The following FOXP2 variants were observed in gnomAD, a reference collection of about 807,000 sequenced individuals.
FOXP2 encodes forkhead box protein P2.
FOXP2 carries 12 observed loss-of-function variants against 115.8 expected under a neutral mutation model. That is an observed-to-expected ratio of 0.10 (90% CI 0.07 to 0.17). FOXP2 has a LOEUF of 0.17. Among genes scored for constraint, FOXP2 ranks in the 10% least tolerant of loss-of-function variants. The probability of loss-of-function intolerance (pLI) is 1.00; values close to 1 mark genes in which losing one functional copy is unlikely to be tolerated. For synonymous variants in FOXP2, 328 were observed against 297.7 expected (o/e 1.10, Z -1.05); for missense variants, 629 against 843.5 (o/e 0.75, Z 3.15).
chr7:114,238,307 T>G (rs1194478761), intron 1 of FOXP2, among the ~76,000 whole-genome samples: 1 of 152,102 alleles, frequency 6.6e-6, no homozygotes, highest in Non-Finnish European at 1.5e-5. Context: ...ATTTTTTCCT[T>G]AGGAAATTGT....
chr7:114,524,502 G>A (rs1368718760), intron 2 of FOXP2, among the ~76,000 whole-genome samples: 1 of 151,928 alleles, frequency 6.6e-6, no homozygotes, highest in African/African-American at 2.4e-5. Flanking sequence ...AAGAGAATGA[G>A]CTTCAGAGTC....
intron 1 of FOXP2, among the ~76,000 whole-genome samples, chr7:114,253,559 T>C (rs1248299047): frequency 6.6e-6 from 1 of 152,200 alleles, no homozygotes; most frequent in Non-Finnish European, 1.5e-5. Context: ...GCCTCATTTG[T>C]CTCTTTTGAT....
chr7:114,601,725 T>C (rs1417517931), intron 3 of FOXP2, among the ~76,000 whole-genome samples: 1 of 152,116 alleles, frequency 6.6e-6, no homozygotes, highest in Non-Finnish European at 1.5e-5. Flanking sequence ...CAATTATGAC[T>C]TTTAACACAT....
rs369839969 is a variant in FOXP2 at position 114,689,917 on chromosome 7, T to A, written c.2139T>A (p.Asp713Glu). 3 of 1,613,148 alleles carry A rather than the reference T, an allele frequency of 1.9e-6. No homozygotes were observed. The highest frequency in any genetic ancestry group is 4.5e-5 in the East Asian group (2 of 44,846). The change falls in exon 17 of 17, where the codon GAT (aspartate) becomes GAA (glutamate). Residue 713 changes from aspartate to glutamate, a missense_variant. Around this residue, in one of 9 missense-constraint regions of FOXP2, gnomAD observed 117 missense variants for 112.3 expected, o/e 1.04. Transcript: ENST00000350908. The part of the protein sequence containing the change: ...REIEEEPLSE[D>E]LE ...TTGAAGAAGAGCCTTTATCTGAAGA[T>A]CTGGAATGAGAACTGACTTGTGAAA...
chr7:114,321,200 T>C (rs1797413356), intron 2 of FOXP2, among the ~76,000 whole-genome samples: 1 of 150,746 alleles, frequency 6.6e-6, no homozygotes, highest in Admixed American at 6.6e-5. Flanking sequence ...TATTTATTTA[T>C]TTATTTATTT....
At chr7:114,329,036 T>C (rs2129182600) in intron 2 of FOXP2, among the ~76,000 whole-genome samples, 1 of 152,316 alleles carries the variant, frequency 6.6e-6, no homozygotes, top group East Asian at 1.9e-4. Context: ...TATTTTGAAA[T>C]CACAGACTTC....
At chr7:114,092,983 A>C (rs1027439604) in intron 1 of FOXP2, among the ~76,000 whole-genome samples, 9 of 152,144 alleles carry the variant, frequency 5.9e-5, no homozygotes, top group Non-Finnish European at 4.4e-5. Flanking sequence ...GGCAATAACT[A>C]CTTAGTTGAT....
intron 2 of FOXP2, among the ~76,000 whole-genome samples, chr7:114,393,490 C>T (rs1389685037): frequency 6.6e-6 from 1 of 152,054 alleles, no homozygotes; most frequent in Admixed American, 6.6e-5. Flanking sequence ...GAGAGGAGGG[C>T]ATCCACATAG....
intron 1 of FOXP2, among the ~76,000 whole-genome samples, chr7:114,233,806 A>C (rs112736073): frequency 0.012 from 1,832 of 152,300 alleles, 43 homozygotes; most frequent in African/African-American, 0.041. Flanking sequence ...TGATGCCAGG[A>C]GTTTGAGACC....
chr7:114,403,949 T>C (rs1365758171), intron 2 of FOXP2, among the ~76,000 whole-genome samples: 2 of 152,196 alleles, frequency 1.3e-5, no homozygotes, highest in African/African-American at 4.8e-5. Context: ...ACTTATGTCT[T>C]GGGTTAAGAA....
chr7:114,216,888 G>A (rs1042357043), intron 1 of FOXP2, among the ~76,000 whole-genome samples: 2 of 152,034 alleles, frequency 1.3e-5, no homozygotes, highest in Non-Finnish European at 2.9e-5. Context: ...AAATTATTCT[G>A]GCCAGAATGA....
intron 2 of FOXP2, among the ~76,000 whole-genome samples, chr7:114,489,445 T>G (rs774359926): frequency 5.3e-4 from 80 of 152,108 alleles, no homozygotes; most frequent in Non-Finnish European, 2.2e-4. Flanking sequence ...TTGGTTCTAT[T>G]TACTTATTAT....
intron 1 of FOXP2, among the ~76,000 whole-genome samples, chr7:114,139,592 G>T (rs1046815526): frequency 6.6e-6 from 1 of 151,930 alleles, no homozygotes; most frequent in African/African-American, 2.4e-5. Context: ...TTGGTGACTG[G>T]TCAAATATTC....
At chr7:114,572,903 C>G (rs1418254699) in intron 3 of FOXP2, among the ~76,000 whole-genome samples, 1 of 151,752 alleles carries the variant, frequency 6.6e-6, no homozygotes. Context: ...AATTTGTTGC[C>G]CAAGTTTGTG....
chr7:114,202,992 CA>C (rs1420193095), intron 1 of FOXP2, among the ~76,000 whole-genome samples: 2 of 152,282 alleles, frequency 1.3e-5, no homozygotes, highest in Admixed American at 6.5e-5. Context: ...CAGCCTCAAC[CA>C]AATATCATTG....
At chr7:114,517,673 C>T (rs1798413025) in intron 2 of FOXP2, among the ~76,000 whole-genome samples, 3 of 152,084 alleles carry the variant, frequency 2.0e-5, no homozygotes, top group Admixed American at 2.0e-4. Context: ...TTTTCTGTTT[C>T]ACTGATCTTT....
chr7:114,511,865 C>G (rs1562968058), intron 2 of FOXP2, among the ~76,000 whole-genome samples: 1 of 151,808 alleles, frequency 6.6e-6, no homozygotes, highest in African/African-American at 2.4e-5. Context: ...TTTACTTTGT[C>G]CATGTTTTAA....
chr7:114,687,636 C>T (rs989521253), intron 16 of FOXP2, among the ~76,000 whole-genome samples: 2 of 152,122 alleles, frequency 1.3e-5, no homozygotes, highest in African/African-American at 4.8e-5. Context: ...ACTGCAGCGA[C>T]CTTGTGTAGT....
intron 3 of FOXP2, among the ~76,000 whole-genome samples, chr7:114,593,812 A>G (rs190959818): frequency 8.5e-5 from 13 of 152,144 alleles, no homozygotes; most frequent in South Asian, 4.1e-4. Context: ...AGCAGTTTAT[A>G]TTGCAAATAA....
Sources: allele counts gnomAD v4.1 joint callset (sites outside exome capture counted in the v4.1 genomes callset), GRCh38; gene constraint gnomAD v4.1.1; regional missense constraint gnomAD v4.1.1; transcripts MANE v1.5; gene names NCBI Gene and HGNC (gene_info 2026-07-23, HGNC 2026-07-21).